Variants in GALNTL6 observed in about 807,000 individuals in gnomAD.
GALNTL6 encodes the protein polypeptide N-acetylgalactosaminyltransferase like 6, also known as polypeptide N-acetylgalactosaminyltransferase-like 6.
GALNTL6 carries 46 observed loss-of-function variants against 73.7 expected under a neutral mutation model. The observed-to-expected ratio is 0.62, with a 90% CI of 0.49 to 0.80. The LOEUF is 0.80. Ranked by LOEUF, GALNTL6 falls within the 30% of genes least tolerant of loss-of-function variation. The pLI is 0.00. For synonymous variants in GALNTL6, 259 were observed against 263.7 expected, an observed-to-expected ratio of 0.98 and a Z score of 0.17; for missense variants, 604 against 755.0, an observed-to-expected ratio of 0.80 and a Z score of 2.34.
At chr4:171,930,987 A>T (rs898015516) in intron 2 of GALNTL6, among the ~76,000 whole-genome samples, 1 of 152,220 alleles carries the variant, frequency 6.6e-6, no homozygotes, top group Non-Finnish European at 1.5e-5. Flanking sequence ...GTTCTTGCTT[A>T]AGTCTTTAGT....
intron 2 of GALNTL6, among the ~76,000 whole-genome samples, chr4:171,951,016 A>G (rs1282063192): frequency 6.6e-6 from 1 of 152,200 alleles, no homozygotes; most frequent in African/African-American, 2.4e-5. Context: ...ATTAAGTTAT[A>G]GAAACATATC....
chr4:171,885,491 C>T (rs943460732), intron 2 of GALNTL6, among the ~76,000 whole-genome samples: 4 of 152,098 alleles, frequency 2.6e-5, no homozygotes, highest in African/African-American at 9.7e-5. Context: ...TGCAAAATTT[C>T]TCATTTCATT....
intron 3 of GALNTL6, among the ~76,000 whole-genome samples, chr4:172,234,963 C>T (rs77959133): frequency 0.014 from 2,082 of 152,064 alleles, 19 homozygotes; most frequent in Middle Eastern, 0.037. Flanking sequence ...GCTTGGCTAA[C>T]GTTTTATGTA....
intron 10 of GALNTL6, among the ~76,000 whole-genome samples, chr4:173,005,859 A>C (rs1315741489): frequency 6.6e-6 from 1 of 152,220 alleles, no homozygotes; most frequent in Non-Finnish European, 1.5e-5. Context: ...TTGGCTTCCA[A>C]AGCAGTTTAT....
intron 4 of GALNTL6, among the ~76,000 whole-genome samples, chr4:172,317,800 G>C (rs1274937462): frequency 6.6e-6 from 1 of 152,124 alleles, no homozygotes; most frequent in Non-Finnish European, 1.5e-5. Context: ...CATAAAAAGT[G>C]AATAGCACTA....
intron 2 of GALNTL6, among the ~76,000 whole-genome samples, chr4:172,206,774 T>TG: frequency 1.0e-5 from 1 of 99,628 alleles, no homozygotes; most frequent in Non-Finnish European, 2.4e-5. Flanking sequence ...AGATGAAACG[T>TG]GTTTTTTGTT....
chr4:172,750,559 A>G (rs1390443656), intron 5 of GALNTL6, among the ~76,000 whole-genome samples: 1 of 152,142 alleles, frequency 6.6e-6, no homozygotes, highest in Non-Finnish European at 1.5e-5. Flanking sequence ...AAATGCTCTC[A>G]TGTCAGGATG....
At position 171,954,483 on chromosome 4, in the gene GALNTL6, G is replaced by A. The variant is rs562558401; in HGVS notation, c.138+139765G>A. 7.2e-5 allele frequency among the ~76,000 whole-genome samples: 11 copies of A among 152,092 alleles called. 1 individual carries two copies. Among genetic ancestry groups the A allele is most frequent in the South Asian group, 4.1e-4 (2 of 4,828 alleles). ...ATCTTCAACAAATACTGCAAATTAC[G>A]TAAGAATACAGATGCTTCTGATTCA... is the stretch of plus-strand genomic sequence containing the variant. On this transcript the variant is annotated intron_variant, in intron 2 of 12. Coordinates refer to ENST00000506823, the MANE Select transcript of GALNTL6 (RefSeq NM_001034845.3).
chr4:172,354,649 C>T (rs1331885120), intron 5 of GALNTL6, among the ~76,000 whole-genome samples: 1 of 151,966 alleles, frequency 6.6e-6, no homozygotes, highest in Non-Finnish European at 1.5e-5. Flanking sequence ...AATAAAAACT[C>T]AACTCATAAA....
chr4:172,022,708 A>T (rs902655171), intron 2 of GALNTL6, among the ~76,000 whole-genome samples: 2 of 151,954 alleles, frequency 1.3e-5, no homozygotes, highest in Admixed American at 6.6e-5. Flanking sequence ...GGAAAAAAAA[A>T]ACCCTCCATT....
chr4:171,961,091 G>A (rs1238647847), intron 2 of GALNTL6, among the ~76,000 whole-genome samples: 1 of 151,998 alleles, frequency 6.6e-6, no homozygotes, highest in Non-Finnish European at 1.5e-5. Context: ...ACCACAAAAG[G>A]AAAATACTGA....
At chr4:172,537,396 C>A (rs967857360) in intron 5 of GALNTL6, among the ~76,000 whole-genome samples, 1 of 152,140 alleles carries the variant, frequency 6.6e-6, no homozygotes, top group Non-Finnish European at 1.5e-5. Context: ...GTGAGTTTCA[C>A]AAGGTCTGAT....
At chr4:171,948,368 G>A (rs2111026216) in intron 2 of GALNTL6, among the ~76,000 whole-genome samples, 1 of 152,264 alleles carries the variant, frequency 6.6e-6, no homozygotes, top group South Asian at 2.1e-4. Context: ...AGTATATAAA[G>A]TAATTTAGAT....
intron 5 of GALNTL6, among the ~76,000 whole-genome samples, chr4:172,592,026 C>G (rs1368354303): frequency 6.6e-6 from 1 of 152,128 alleles, no homozygotes; most frequent in African/African-American, 2.4e-5. Context: ...AGCTGATGAG[C>G]TTGCCTACTG....
At chr4:172,699,067 TAGAA>T (rs1733861926) in intron 5 of GALNTL6, among the ~76,000 whole-genome samples, 2 of 152,126 alleles carry the variant, frequency 1.3e-5, no homozygotes, top group South Asian at 2.1e-4. Flanking sequence ...TTCTGGTTCA[TAGAA>T]AGAGCCTTAT....
At chr4:172,422,622 C>T (rs900203996) in intron 5 of GALNTL6, among the ~76,000 whole-genome samples, 2 of 151,896 alleles carry the variant, frequency 1.3e-5, no homozygotes, top group Non-Finnish European at 2.9e-5. Flanking sequence ...ATGACAGAGA[C>T]TCCAAGACTT....
chr4:171,987,515 T>G (rs892644839), intron 2 of GALNTL6, among the ~76,000 whole-genome samples: 10 of 152,218 alleles, frequency 6.6e-5, no homozygotes, highest in African/African-American at 2.2e-4. Flanking sequence ...TTTAGTTTTC[T>G]GACTTGGGGC....
At chr4:172,230,720 A>T (rs1415614192) in intron 3 of GALNTL6, among the ~76,000 whole-genome samples, 1 of 152,214 alleles carries the variant, frequency 6.6e-6, no homozygotes, top group Non-Finnish European at 1.5e-5. Flanking sequence ...GGAAGCCCAT[A>T]TTCTCTTATT....
At chr4:172,854,057 C>T (rs1002267006) in intron 7 of GALNTL6, among the ~76,000 whole-genome samples, 3 of 152,182 alleles carry the variant, frequency 2.0e-5, no homozygotes, top group Non-Finnish European at 4.4e-5. Flanking sequence ...GATGTATTCA[C>T]TGCAGGTATT....
Sources: gnomAD v4.1 joint callset for allele counts (sites outside exome capture counted in the v4.1 genomes callset) on GRCh38, gnomAD v4.1.1 for gene constraint, MANE v1.5 for transcripts, NCBI Gene and HGNC (gene_info 2026-07-23, HGNC 2026-07-21) for gene names.